The following EPS15 variants were observed in gnomAD, a reference collection of about 807,000 sequenced individuals.
EPS15 encodes the protein epidermal growth factor receptor pathway substrate 15.
A neutral mutation model predicts 113.8 loss-of-function variants in EPS15; 72 were observed. That is an observed-to-expected ratio of 0.63 (90% CI 0.52 to 0.77). EPS15 has a LOEUF of 0.77. Ranked by LOEUF, EPS15 falls within the 30% of genes least tolerant of loss-of-function variation. EPS15 has a pLI of 0.00. For missense variants in EPS15, 1,048 were observed against 1,045.8 expected (o/e 1.00, Z -0.03); for synonymous variants, 344 against 363.4 (o/e 0.95, Z 0.61).
At chr1:51,459,571 GA>G (rs1454368109) in intron 8 of EPS15, among the ~76,000 whole-genome samples, 1 of 151,946 alleles carries the variant, frequency 6.6e-6, no homozygotes, top group Non-Finnish European at 1.5e-5. Flanking sequence ...CCTCCAAACA[GA>G]AATACTGCCA....
chr1:51,376,617 T>C (rs1463116013), intron 21 of EPS15, among the ~76,000 whole-genome samples: 3 of 152,014 alleles, frequency 2.0e-5, no homozygotes, highest in Admixed American at 6.5e-5. Context: ...TGAGCTGAGA[T>C]TGCACCACTG....
intron 8 of EPS15, among the ~76,000 whole-genome samples, chr1:51,456,036 CA>C (rs1294848423): frequency 6.6e-6 from 1 of 151,838 alleles, no homozygotes; most frequent in East Asian, 1.9e-4. Flanking sequence ...CAAGCATTTA[CA>C]TTTGAAAAGA....
intron 1 of EPS15, chr1:51,518,317 G>GGGAA (rs1644764363): frequency 6.6e-6 from 1 of 152,472 alleles, no homozygotes. Flanking sequence ...CGAGGCAAGA[G>GGGAA]GGAAGCTCGA....
At chr1:51,517,653 G>C (rs1241777744) in intron 1 of EPS15, among the ~76,000 whole-genome samples, 2 of 152,172 alleles carry the variant, frequency 1.3e-5, no homozygotes, top group Non-Finnish European at 2.9e-5. Flanking sequence ...CAGTGCTGTA[G>C]TTGTTCAAAT....
chr1:51,377,259 C>T (rs913180472), intron 21 of EPS15, among the ~76,000 whole-genome samples: 1 of 152,142 alleles, frequency 6.6e-6, no homozygotes, highest in African/African-American at 2.4e-5. Context: ...AGTGAAACTC[C>T]GTCTCAAACA....
intron 1 of EPS15, among the ~76,000 whole-genome samples, chr1:51,512,635 TAAA>T (rs1644643531): frequency 6.6e-6 from 1 of 151,318 alleles, no homozygotes; most frequent in African/African-American, 2.4e-5. Context: ...AAGCAGTTTA[TAAA>T]AAAAGAAATA....
chr1:51,369,357 G>A (rs1053721915), intron 21 of EPS15, among the ~76,000 whole-genome samples: 21 of 152,126 alleles, frequency 1.4e-4, no homozygotes, highest in African/African-American at 9.7e-5. Flanking sequence ...TTCAGATCAC[G>A]CGTAAGATAC....
At chr1:51,449,260 A>C (rs1002079146) in intron 8 of EPS15, among the ~76,000 whole-genome samples, 13 of 152,082 alleles carry the variant, frequency 8.5e-5, no homozygotes, top group African/African-American at 2.9e-4. Context: ...ACACAGCCAC[A>C]AAAAACAACA....
At chr1:51,474,148 A>G (rs896174198) in intron 2 of EPS15, among the ~76,000 whole-genome samples, 4 of 152,242 alleles carry the variant, frequency 2.6e-5, no homozygotes, top group African/African-American at 7.2e-5. Flanking sequence ...AATAATATAA[A>G]CATTTAGTCT....
intron 5 of EPS15, 68 bp from the exon 6 acceptor site, chr1:51,465,394 G>T: frequency 2.7e-6 from 3 of 1,127,744 alleles, no homozygotes. Context: ...AGAAAAAATG[G>T]TTTTTGGATT....
chr1:51,396,764 T>C (rs184324429), intron 20 of EPS15, among the ~76,000 whole-genome samples: 14 of 152,292 alleles, frequency 9.2e-5, no homozygotes, highest in East Asian at 3.9e-4. Flanking sequence ...AGTTTGATAA[T>C]TGGGGAGTTT....
chr1:51,428,814 A>G (rs1651446805), intron 12 of EPS15, among the ~76,000 whole-genome samples: 1 of 143,622 alleles, frequency 7.0e-6, no homozygotes, highest in Admixed American at 7.0e-5. Flanking sequence ...ATGACAGAGC[A>G]AGACTCCATC....
intron 1 of EPS15, among the ~76,000 whole-genome samples, chr1:51,499,761 C>G (rs1024728816): frequency 6.6e-6 from 1 of 152,114 alleles, no homozygotes; most frequent in South Asian, 2.1e-4. Context: ...AATCTCTATT[C>G]AAGTCCTTTT....
intron 13 of EPS15, among the ~76,000 whole-genome samples, chr1:51,419,368 C>T (rs1650532140): frequency 6.6e-6 from 1 of 152,020 alleles, no homozygotes; most frequent in South Asian, 2.1e-4. Context: ...AGACTTTCTA[C>T]TCTAACTGAA....
At chr1:51,410,742 C>T (rs1315056103) in intron 13 of EPS15, among the ~76,000 whole-genome samples, 1 of 152,106 alleles carries the variant, frequency 6.6e-6, no homozygotes, top group Non-Finnish European at 1.5e-5. Flanking sequence ...CAGTCATTCA[C>T]CAGAATAAGA....
chr1:51,500,753 G>A (rs970528024), intron 1 of EPS15, among the ~76,000 whole-genome samples: 1 of 152,146 alleles, frequency 6.6e-6, no homozygotes, highest in Non-Finnish European at 1.5e-5. Flanking sequence ...GGGAGGCTGA[G>A]GTGGGAGGAT....
intron 1 of EPS15, among the ~76,000 whole-genome samples, chr1:51,516,236 G>A (rs1254851047): frequency 2.0e-5 from 3 of 152,156 alleles, no homozygotes; most frequent in African/African-American, 7.2e-5. Flanking sequence ...TTAAAAGTTG[G>A]AAAGGTCCTT....
intron 1 of EPS15, among the ~76,000 whole-genome samples, chr1:51,506,080 T>C (rs999108442): frequency 5.9e-5 from 9 of 151,968 alleles, no homozygotes; most frequent in African/African-American, 1.5e-4. Context: ...AGAGGCGGAG[T>C]TTCACCACTT....
chr1:51,457,051 C>T (rs979376924), intron 8 of EPS15, among the ~76,000 whole-genome samples: 1 of 151,888 alleles, frequency 6.6e-6, no homozygotes, highest in Non-Finnish European at 1.5e-5. Flanking sequence ...TTTTGGAGGC[C>T]GAGGCGGGCA....
Sources: gnomAD v4.1 joint callset for allele counts (sites outside exome capture counted in the v4.1 genomes callset) on GRCh38, gnomAD v4.1.1 for gene constraint, MANE v1.5 for transcripts, NCBI Gene and HGNC (gene_info 2026-07-23, HGNC 2026-07-21) for gene names.